Variants in CCSER1 observed in about 807,000 individuals in gnomAD.
CCSER1 encodes the protein serine-rich coiled-coil domain-containing protein 1.
CCSER1 carries 41 observed loss-of-function variants against 82.0 expected under a neutral mutation model. That is an observed-to-expected ratio of 0.50 (90% confidence interval 0.39 to 0.65). The LOEUF is 0.65. Among genes scored for constraint, CCSER1 ranks in the 30% least tolerant of loss-of-function variants. CCSER1 has a pLI of 0.00. For missense variants in CCSER1, 1,119 were observed against 1,064.2 expected (o/e 1.05, Z -0.72); for synonymous variants, 414 against 383.9 (o/e 1.08, Z -0.92).
At chr4:90,899,294 C>T (rs191538498) in intron 8 of CCSER1, among the ~76,000 whole-genome samples, 6 of 152,048 alleles carry the variant, frequency 3.9e-5, no homozygotes, top group Non-Finnish European at 7.4e-5. Context: ...ATTTTGGGTA[C>T]ATTAATTTAT....
At chr4:90,786,152 TAGAA>T (rs1460185505) in intron 7 of CCSER1, among the ~76,000 whole-genome samples, 5 of 152,116 alleles carry the variant, frequency 3.3e-5, no homozygotes, top group African/African-American at 1.2e-4. Flanking sequence ...GCTGGGCAGA[TAGAA>T]AGACGATGGC....
At chr4:90,698,059 G>A (rs1257607793) in intron 6 of CCSER1, among the ~76,000 whole-genome samples, 1 of 152,158 alleles carries the variant, frequency 6.6e-6, no homozygotes, top group African/African-American at 2.4e-5. Flanking sequence ...TGATATTAAG[G>A]TTACCAAACA....
chr4:91,576,288 G>A (rs1763449369), intron 10 of CCSER1, among the ~76,000 whole-genome samples: 1 of 150,854 alleles, frequency 6.6e-6, no homozygotes, highest in Non-Finnish European at 1.5e-5. Context: ...TATGCTAAGT[G>A]AAGTAAGACA....
chr4:90,781,945 C>G (rs1753830368), intron 7 of CCSER1: 7 of 922,424 alleles, frequency 7.6e-6, no homozygotes, highest in Non-Finnish European at 7.8e-6. Context: ...AATATGAACG[C>G]AGTGTATTAA....
chr4:90,905,044 C>A (rs956424714), intron 8 of CCSER1, among the ~76,000 whole-genome samples: 1 of 151,994 alleles, frequency 6.6e-6, no homozygotes, highest in South Asian at 2.1e-4. Context: ...TTTGCTAAAC[C>A]TACCAATTAC....
intron 6 of CCSER1, among the ~76,000 whole-genome samples, chr4:90,631,323 C>A (rs1724381395): frequency 6.6e-6 from 1 of 151,998 alleles, no homozygotes; most frequent in Non-Finnish European, 1.5e-5. Flanking sequence ...ATGAGTATTG[C>A]ATTTGTATAT....
At chr4:91,133,896 C>T (rs149040074) in intron 10 of CCSER1, among the ~76,000 whole-genome samples, 6 of 152,050 alleles carry the variant, frequency 3.9e-5, no homozygotes, top group African/African-American at 1.4e-4. Flanking sequence ...GTCAGGAGTT[C>T]AAGACCAGCC....
intron 4 of CCSER1, among the ~76,000 whole-genome samples, chr4:90,422,228 T>C (rs1756800812): frequency 6.6e-6 from 1 of 152,086 alleles, no homozygotes; most frequent in South Asian, 2.1e-4. Context: ...AATAGAAGGA[T>C]TATTATCAGG....
At chr4:90,566,850 T>C (rs933475174) in intron 5 of CCSER1, among the ~76,000 whole-genome samples, 1 of 151,724 alleles carries the variant, frequency 6.6e-6, no homozygotes, top group African/African-American at 2.4e-5. Context: ...GATCCGCCCA[T>C]CTCGGCCTCC....
intron 10 of CCSER1, among the ~76,000 whole-genome samples, chr4:91,507,918 C>T (rs1759589955): frequency 6.6e-6 from 1 of 150,750 alleles, no homozygotes. Flanking sequence ...TTTGTATATT[C>T]ATCTTGTATC....
intron 7 of CCSER1, among the ~76,000 whole-genome samples, chr4:90,788,362 T>A (rs1754797868): frequency 6.6e-6 from 1 of 152,126 alleles, no homozygotes; most frequent in South Asian, 2.1e-4. Flanking sequence ...ACAAACAAAC[T>A]GAGTGGCTTA....
chr4:90,635,206 A>G (rs1273299246), intron 6 of CCSER1, among the ~76,000 whole-genome samples: 1 of 151,758 alleles, frequency 6.6e-6, no homozygotes, highest in Non-Finnish European at 1.5e-5. Flanking sequence ...CAATATTATC[A>G]ATATTTTTAA....
chr4:91,364,416 A>G (rs1749466758), intron 10 of CCSER1, among the ~76,000 whole-genome samples: 1 of 152,088 alleles, frequency 6.6e-6, no homozygotes, highest in Non-Finnish European at 1.5e-5. Flanking sequence ...TTAGTAGTTA[A>G]AAGAATTCTT....
intron 1 of CCSER1, among the ~76,000 whole-genome samples, chr4:90,307,062 A>G: frequency 6.6e-6 from 1 of 152,134 alleles, no homozygotes; most frequent in African/African-American, 2.4e-5. Context: ...CTGCTTTACC[A>G]GGTGTTGGCT....
At chr4:91,194,263 C>T (rs80301364) in intron 10 of CCSER1, among the ~76,000 whole-genome samples, 2 of 152,128 alleles carry the variant, frequency 1.3e-5, no homozygotes, top group Admixed American at 6.6e-5. Context: ...GGACCCTATT[C>T]TTATTTTAAA....
rs112297044 is a variant in CCSER1 at position 91,353,744 on chromosome 4, GT to G, written c.2218-244821del. Among the ~76,000 whole-genome samples the G allele has an allele frequency of 2.0e-5, 3 of 152,234 alleles. No individual in the cohort carries two copies. The East Asian group carries it at 5.8e-4, about 29-fold the overall frequency. ...TTTGGTGAACTAAGGTAGCGATGAA[GT>G]TTTTTTATCATTTGGAGAAATACAG... On this transcript the variant is annotated intron_variant, in intron 10 of 10. Coordinates refer to ENST00000509176, the MANE Select transcript of CCSER1 (RefSeq NM_001145065.2).
chr4:91,441,428 T>C (rs1372219085), intron 10 of CCSER1, among the ~76,000 whole-genome samples: 1 of 151,950 alleles, frequency 6.6e-6, no homozygotes, highest in Non-Finnish European at 1.5e-5. Flanking sequence ...CAACCCTTCA[T>C]GCTAAAAATT....
intron 7 of CCSER1, 47 bp downstream of exon 7, chr4:90,724,038 T>A (rs1269318063): frequency 1.7e-6 from 2 of 1,148,840 alleles, no homozygotes; most frequent in African/African-American, 3.1e-5. Flanking sequence ...ATTAGGATAG[T>A]TAATAAATAG....
At chr4:90,842,837 TC>T (rs1411388273) in intron 8 of CCSER1, among the ~76,000 whole-genome samples, 1 of 152,218 alleles carries the variant, frequency 6.6e-6, no homozygotes, top group East Asian at 1.9e-4. Context: ...CAATGCCAGT[TC>T]ACAAAGTCAT....
Sources: allele counts gnomAD v4.1 joint callset (sites outside exome capture counted in the v4.1 genomes callset), GRCh38; gene constraint gnomAD v4.1.1; transcripts MANE v1.5; gene names NCBI Gene and HGNC (gene_info 2026-07-23, HGNC 2026-07-21).